Variants in GLMN observed in about 807,000 individuals in gnomAD.
GLMN encodes glomulin.
A neutral mutation model predicts 87.8 loss-of-function variants in GLMN; 75 were observed. That is an observed-to-expected ratio of 0.85 (90% CI 0.71 to 1.04). The LOEUF is 1.04. GLMN is among the 50% of genes least tolerant of loss of function. GLMN has a pLI of 0.00. For synonymous variants in GLMN, 206 were observed against 221.6 expected (o/e 0.93, Z 0.63); for missense variants, 588 against 658.8 (o/e 0.89, Z 1.18).
the GLMN span, among the ~76,000 whole-genome samples, chr1:92,362,317 TA>T: frequency 6.6e-6 from 1 of 152,318 alleles, no homozygotes; most frequent in East Asian, 1.9e-4. Context: ...TAATTCCAGT[TA>T]ACCAATAAAG....
the GLMN span, among the ~76,000 whole-genome samples, chr1:92,308,533 A>G: frequency 1.3e-5 from 2 of 152,208 alleles, no homozygotes; most frequent in Admixed American, 6.5e-5. Flanking sequence ...TATTTTCTCT[A>G]CATCTTAAAT....
chr1:92,306,738 C>G, the GLMN span, among the ~76,000 whole-genome samples: 2 of 151,990 alleles, frequency 1.3e-5, no homozygotes, highest in Non-Finnish European at 2.9e-5. Context: ...ACTCAGGAGG[C>G]TGAAACCAGA....
the GLMN span, among the ~76,000 whole-genome samples, chr1:92,313,443 C>CT: frequency 0.72 from 104,571 of 145,044 alleles, 38,686 homozygotes; most frequent in East Asian, 0.98. Context: ...GGAAAGGAAT[C>CT]TTTTTTTTTT....
intron 16 of GLMN, among the ~76,000 whole-genome samples, chr1:92,255,695 A>G (rs1363571926): frequency 2.0e-5 from 3 of 152,230 alleles, no homozygotes; most frequent in Admixed American, 6.5e-5. Flanking sequence ...GCAGAAATAA[A>G]TAAGTTCTTT....
At chr1:92,333,355 T>C in the GLMN span, 73 of 1,493,582 alleles carry the variant, frequency 4.9e-5, no homozygotes, top group African/African-American at 6.6e-4. Context: ...TGTAAACTTA[T>C]GATTCTGTTT....
At chr1:92,345,455 C>CAGAGGGAGGGAGGGAA in the GLMN span, among the ~76,000 whole-genome samples, 26 of 78,180 alleles carry the variant, frequency 3.3e-4, no homozygotes, top group East Asian at 4.0e-3. Flanking sequence ...GAGGGAGGGA[C>CAGAGGGAGGGAGGGAA]AGAGGGAGGG....
chr1:92,253,171 T>TGAATCTTAAATAG (rs1557507682), intron 16 of GLMN, among the ~76,000 whole-genome samples: 1 of 141,684 alleles, frequency 7.1e-6, no homozygotes, highest in Admixed American at 7.4e-5. Context: ...CCTGCACCCC[T>TGAATCTTAAATAG]GAATCTTAAA....
At chr1:92,254,277 C>T (rs1456675331) in intron 16 of GLMN, among the ~76,000 whole-genome samples, 1 of 152,072 alleles carries the variant, frequency 6.6e-6, no homozygotes, top group Admixed American at 6.5e-5. Flanking sequence ...TGTGAAAAGA[C>T]CAAACCTATG....
the GLMN span, among the ~76,000 whole-genome samples, chr1:92,321,513 AC>A: frequency 1.3e-5 from 2 of 151,884 alleles, no homozygotes; most frequent in Non-Finnish European, 2.9e-5. Flanking sequence ...TTGCTTCTTG[AC>A]CCAGAGTCTT....
the GLMN span, among the ~76,000 whole-genome samples, chr1:92,327,577 A>G: frequency 6.6e-6 from 1 of 152,206 alleles, no homozygotes; most frequent in South Asian, 2.1e-4. Context: ...CTTGAAAAGC[A>G]GATACTTGGT....
intron 7 of GLMN, among the ~76,000 whole-genome samples, chr1:92,273,612 TTTTTTTTTA>T (rs1219758862): frequency 2.7e-5 from 4 of 150,386 alleles, no homozygotes; most frequent in African/African-American, 4.9e-5. Context: ...TGCCCGCTAT[TTTTTTTTTA>T]TTTTTTTTAT....
At chr1:92,259,890 T>C (rs922285562) in intron 16 of GLMN, among the ~76,000 whole-genome samples, 16 of 151,852 alleles carry the variant, frequency 1.1e-4, no homozygotes, top group African/African-American at 2.4e-4. Context: ...CCCGCCACCA[T>C]GCCTGGCTAA....
chr1:92,341,658 T>C, the GLMN span, among the ~76,000 whole-genome samples: 2 of 152,208 alleles, frequency 1.3e-5, no homozygotes, highest in East Asian at 3.9e-4. Flanking sequence ...AAGGAAATAC[T>C]TTTTTGAGTT....
chr1:92,341,229 G>A, the GLMN span, among the ~76,000 whole-genome samples: 1 of 151,908 alleles, frequency 6.6e-6, no homozygotes, highest in Admixed American at 6.6e-5. Context: ...GGCTGGTCTC[G>A]AACTCCTGAG....
chr1:92,272,205 A>G (rs1016832074), intron 7 of GLMN, among the ~76,000 whole-genome samples: 3 of 152,220 alleles, frequency 2.0e-5, no homozygotes, highest in African/African-American at 7.2e-5. Flanking sequence ...TAAGCTTCTG[A>G]TAAGACTACA....
chr1:92,248,803 ATAATAT>A (rs1653031709), intron 16 of GLMN, among the ~76,000 whole-genome samples: 1 of 152,124 alleles, frequency 6.6e-6, no homozygotes, highest in South Asian at 2.1e-4. Flanking sequence ...TGAATAATTG[ATAATAT>A]TAATGTCTCA....
the GLMN span, among the ~76,000 whole-genome samples, chr1:92,323,064 T>C: frequency 6.9e-6 from 1 of 145,812 alleles, no homozygotes; most frequent in East Asian, 2.0e-4. Flanking sequence ...ATATATACTT[T>C]ATATATATAT....
At chr1:92,305,450 A>AAAAAAAC in the GLMN span, among the ~76,000 whole-genome samples, 2 of 141,908 alleles carry the variant, frequency 1.4e-5, no homozygotes, top group African/African-American at 5.9e-5. Context: ...AAAAAAAAAA[A>AAAAAAAC]AGACAATATG....
At chr1:92,264,068 C>T (rs1162927279) in intron 14 of GLMN, among the ~76,000 whole-genome samples, 2 of 152,164 alleles carry the variant, frequency 1.3e-5, no homozygotes, top group Admixed American at 6.5e-5. Context: ...GTAATCCCAG[C>T]ATTTTGGGAG....
Sources: gnomAD v4.1 joint callset for allele counts (sites outside exome capture counted in the v4.1 genomes callset) on GRCh38, gnomAD v4.1.1 for gene constraint, MANE v1.5 for transcripts, NCBI Gene and HGNC (gene_info 2026-07-23, HGNC 2026-07-21) for gene names.